CATSPER1: variants seen among roughly 807,000 people sequenced by gnomAD.
The protein encoded by CATSPER1 is cation channel sperm-associated protein 1.
In CATSPER1, 57 loss-of-function variants were observed where a neutral mutation model predicts 72.7. The observed-to-expected ratio is 0.78, with a 90% confidence interval of 0.63 to 0.98. CATSPER1 has a LOEUF of 0.98. Ranked by LOEUF, CATSPER1 falls within the 50% of genes least tolerant of loss-of-function variation. The pLI is 0.00. For synonymous variants in CATSPER1, 363 were observed against 403.0 expected, an observed-to-expected ratio of 0.90 and a Z score of 1.19; for missense variants, 910 against 1,033.9, an observed-to-expected ratio of 0.88 and a Z score of 1.64.
chr11:66,020,476 A>C lies in CATSPER1; in HGVS notation c.1992-87T>G. 1.2e-6 allele frequency: 2 copies of C among 1,601,344 alleles called. No individual in the cohort carries two copies. The highest frequency in any genetic ancestry group is 2.2e-5 in the South Asian group (2 of 90,830). On this transcript the variant is annotated intron_variant, in intron 7 of 11. Transcript: ENST00000312106. The surrounding 1 kb of genome is among the most constrained non-coding windows in gnomAD (Gnocchi z 4.5). Reference sequence around the variant, plus strand: ...CTTCTTGTGGGTTCAGCGTGGCATGACCAGGGTGAGAGGGCTGGGGTAAGG... The same window carrying C: ...CTTCTTGTGGGTTCAGCGTGGCATGCCCAGGGTGAGAGGGCTGGGGTAAGG...
rs778901724 is a variant in CATSPER1, at chr11:66,026,179, G to A, written c.201C>T (p.His67=). The change falls in exon 1 of 12, where the codon CAC becomes CAT. Residue 67 remains histidine, a synonymous_variant. Coordinates refer to ENST00000312106, the MANE Select transcript of CATSPER1 (RefSeq NM_053054.4). ...SHHPPEFQDF[H]DQALSSHVHQ... ...GGACATGGGAGGACAAGGCTTGGTCGTGGAAGTCTTGGAACTCCGGAGGGT... is the reference window on the plus strand; with the variant it reads ...GGACATGGGAGGACAAGGCTTGGTCATGGAAGTCTTGGAACTCCGGAGGGT... 5.0e-6 allele frequency: 8 copies of A among 1,606,858 alleles called. No homozygotes were observed. In the African/African-American group the frequency reaches 6.7e-5, roughly 13 times the overall value.
At chr11:66,019,666 G>A (rs1856312640) in intron 9 of CATSPER1, among the ~76,000 whole-genome samples, 1 of 151,970 alleles carries the variant, frequency 6.6e-6, no homozygotes, top group Non-Finnish European at 1.5e-5. Context: ...GAGGTGGGAG[G>A]ATCATCTGAG....
In CATSPER1 at chr11:66,021,493, G is replaced by T; in HGVS notation, c.1691+3C>A. On this transcript the variant is annotated splice_donor_region_variant and intron_variant, in intron 4 of 11. Transcript: ENST00000312106. ...ACCCCAGGTGGGAGCCGTGGCCACT[G>T]ACCTGAGCCTCCGCAGGACCCGGAT... The T allele has an allele frequency of 6.2e-7, 1 of 1,612,822 alleles. No homozygotes were observed.
chr11:66,016,791 G>A lies in CATSPER1; in HGVS notation c.*99C>T. On this transcript the variant is annotated 3_prime_UTR_variant, in exon 12 of 12. Transcript: ENST00000312106. ...TCTGTTGGGGCCCCTGCTCTGCAGG[G>A]CCCGGACAATCATTCCAGCAGATCT... The A allele has an allele frequency of 1.4e-6, 2 of 1,409,340 alleles. No homozygotes were observed. Among genetic ancestry groups the A allele is most frequent in the Non-Finnish European group, 2.0e-6 (2 of 1,024,872 alleles). 87.3% of individuals were successfully genotyped at this position (1,409,340 alleles called of 1,614,324 possible).
At chr11:66,021,290 T>C in intron 4 of CATSPER1, 105 bp from the exon 5 acceptor site, 1 of 1,275,828 alleles carries the variant, frequency 7.8e-7, no homozygotes, top group Admixed American at 2.0e-5. Flanking sequence ...TCCTGACTTG[T>C]TGGTGACTTG....
At position 66,016,881 on chromosome 11, in the gene CATSPER1, C is replaced by A; in HGVS notation, c.*9G>T. ...GGGGCTGAAGTCTGTATCTGGTGTC[C>A]TCCTGGGGTCAATTCCTGAAGTCCT... is the stretch of plus-strand genomic sequence containing the variant. On this transcript the variant is annotated 3_prime_UTR_variant, in exon 12 of 12. Transcript: ENST00000312106. The A allele has an allele frequency of 6.2e-7, 1 of 1,613,824 alleles. No individual in the cohort carries two copies. The highest frequency in any genetic ancestry group is 8.5e-7 in the Non-Finnish European group (1 of 1,179,874).
At position 66,020,797 on chromosome 11, in the gene CATSPER1, G is replaced by A; in HGVS notation, c.1927+14C>T. 6.2e-7 allele frequency: 1 copy of A among 1,613,630 alleles called. No individual in the cohort carries two copies. Among genetic ancestry groups the A allele is most frequent in the Non-Finnish European group, 8.5e-7 (1 of 1,179,952 alleles). ...CAATCCCCGGCCCTCCCTGCAGCCT[G>A]GGGCCTGCCCTACCCTGGGCACGGC... On this transcript the variant is annotated intron_variant, in intron 6 of 11. Coordinates refer to ENST00000312106, the MANE Select transcript of CATSPER1 (RefSeq NM_053054.4). This position sits in a 1 kb window ranked among gnomAD's most constrained non-coding sequence, Gnocchi z 4.5.
rs773984720 is a variant in CATSPER1 at position 66,026,040 on chromosome 11, C to T, written c.340G>A (p.Asp114Asn). Residue 114 changes from aspartate (D) to asparagine (N), a missense_variant, in exon 1 of 12, where the codon GAC becomes AAC. By Grantham distance (23) the Asp-to-Asn change is conservative. Transcript: ENST00000312106. ...AVPSHRSYGE[D>N]YHDELQRDGR... The stretch of plus-strand genomic sequence containing the variant: ...TCACGTTGGAGCTCATCATGGTAGT[C>T]CTCACCGTAGGAACGGTGGGAGGGG... The T allele has an allele frequency of 6.2e-6, 10 of 1,613,962 alleles. No homozygotes were observed. In the East Asian group the frequency reaches 2.2e-4, roughly 36 times the overall value.
chr11:66,021,489 C>T lies in CATSPER1; in HGVS notation c.1691+7G>A. The T allele has an allele frequency of 6.2e-7, 1 of 1,612,668 alleles. No individual in the cohort carries two copies. Among genetic ancestry groups the T allele is most frequent in the African/African-American group, 1.3e-5 (1 of 75,040 alleles). The stretch of plus-strand genomic sequence containing the variant: ...CCCCACCCCAGGTGGGAGCCGTGGC[C>T]ACTGACCTGAGCCTCCGCAGGACCC... On this transcript the variant is annotated splice_region_variant and intron_variant, in intron 4 of 11. Transcript: ENST00000312106.
chr11:66,026,293 G>A lies in CATSPER1; in HGVS notation c.87C>T (p.Pro29=). 1.2e-6 allele frequency: 2 copies of A among 1,614,222 alleles called. No homozygotes were observed. The highest frequency in any genetic ancestry group is 1.7e-6 in the Non-Finnish European group (2 of 1,180,034). ...ADRFFRSHSS[P]PHHRPGHSRA... is the part of the protein sequence containing the mutation. Reference sequence around the variant, plus strand: ...TGCTGTGGCCTGGCCTGTGGTGTGGGGGTGATGAGTGAGAGCGAAAGAACC... The same window carrying A: ...TGCTGTGGCCTGGCCTGTGGTGTGGAGGTGATGAGTGAGAGCGAAAGAACC... The change falls in exon 1 of 12, where the codon CCC becomes CCT. Residue 29 remains proline (P), a synonymous_variant. Coordinates refer to ENST00000312106, the MANE Select transcript of CATSPER1 (RefSeq NM_053054.4).
At position 66,025,561 on chromosome 11, in the gene CATSPER1, G is replaced by T. The variant is rs1470811660; in HGVS notation, c.819C>A (p.His273Gln). 9 of 1,603,566 alleles carry T rather than the reference G, an allele frequency of 5.6e-6. No individual in the cohort carries two copies. Among genetic ancestry groups the T allele is most frequent in the Non-Finnish European group, 6.8e-6 (8 of 1,175,242 alleles). ...YHSEYHQGDH[H>Q]PSEYHHGDHP... ...GGTCGCCATGGTGGTACTCACTGGGGTGGTGATCACCTTGGTGGTACTCGC... is the reference window on the plus strand; with the variant it reads ...GGTCGCCATGGTGGTACTCACTGGGTTGGTGATCACCTTGGTGGTACTCGC... Residue 273 changes from histidine (H) to glutamine (Q), a missense_variant, in exon 1 of 12, where the codon CAC becomes CAA. By Grantham distance (24) the His-to-Gln change is conservative. Transcript: ENST00000312106.
At position 66,020,093 on chromosome 11, in the gene CATSPER1, C is replaced by T. The variant is rs753992334; in HGVS notation, c.2125+47G>A. ...AGGTTAGGGGGATGGAGAGACTGGC[C>T]CCCACTGCGGACGGGCAGGTGGGGC... On this transcript the variant is annotated intron_variant, in intron 9 of 11. Coordinates refer to ENST00000312106, the MANE Select transcript of CATSPER1 (RefSeq NM_053054.4). This position sits in a 1 kb window ranked among gnomAD's most constrained non-coding sequence, Gnocchi z 4.5. The T allele has an allele frequency of 1.8e-5, 28 of 1,591,768 alleles. No homozygotes were observed. The highest frequency in any genetic ancestry group is 1.7e-4 in the Middle Eastern group (1 of 5,744).
At chr11:66,024,813 T>C (rs10750773) in intron 1 of CATSPER1, among the ~76,000 whole-genome samples, 148,673 of 152,292 alleles carry the variant, frequency 0.98, 72,661 homozygotes, top group Middle Eastern at 1. Flanking sequence ...AAGTGACCAC[T>C]CCTAGTTTTG....
rs150884482 is a variant in CATSPER1, at chr11:66,025,540, G to A, written c.840C>T (p.Gly280=). 62 of 1,601,678 alleles carry A rather than the reference G, an allele frequency of 3.9e-5. No individual in the cohort carries two copies. Among genetic ancestry groups the A allele is most frequent in the African/African-American group, 1.5e-4 (11 of 74,768 alleles). The change falls in exon 1 of 12, where the codon GGC becomes GGT. Residue 280 remains glycine, a synonymous_variant. Coordinates refer to ENST00000312106, the MANE Select transcript of CATSPER1 (RefSeq NM_053054.4). Reference sequence around the variant, plus strand: ...GGTGCTGTGTGTGGTGGGGATGGTCGCCATGGTGGTACTCACTGGGGTGGT... The same window carrying A: ...GGTGCTGTGTGTGGTGGGGATGGTCACCATGGTGGTACTCACTGGGGTGGT... The part of the protein sequence containing the change: ...GDHHPSEYHH[G]DHPHHTQHHY...
At position 66,022,912 on chromosome 11, in the gene CATSPER1, CGAA is replaced by C. The variant is rs1856407161; in HGVS notation, c.1363_1365del (p.Phe455del). The C allele has an allele frequency of 1.2e-6, 2 of 1,614,206 alleles. No individual in the cohort carries two copies. Among genetic ancestry groups the C allele is most frequent in the South Asian group, 1.1e-5 (1 of 91,088 alleles). ...AGCATGACGGTGTTGAGGCAGACAA[CGAA>C]GAAGATGAAAGTTTCAAAGGCCAAG... On this transcript the variant is annotated inframe_deletion, in exon 2 of 12. Transcript: ENST00000312106.
intron 10 of CATSPER1, 92 bp downstream of exon 10, chr11:66,018,735 G>A: frequency 7.4e-7 from 1 of 1,353,956 alleles, no homozygotes; most frequent in Non-Finnish European, 1.0e-6. Flanking sequence ...CTTCTAGAGG[G>A]GCAGGCAATG....
At chr11:66,024,055 C>G (rs904995972) in intron 1 of CATSPER1, among the ~76,000 whole-genome samples, 1 of 151,736 alleles carries the variant, frequency 6.6e-6, no homozygotes, top group Admixed American at 6.6e-5. Flanking sequence ...CCTCCGCCTC[C>G]CAGCTTCAAG....
intron 9 of CATSPER1, among the ~76,000 whole-genome samples, chr11:66,019,433 T>C (rs1565069875): frequency 2.0e-5 from 3 of 152,012 alleles, no homozygotes; most frequent in African/African-American, 7.2e-5. Flanking sequence ...CCCACCACCA[T>C]GCCCAGCTAA....
intron 5 of CATSPER1, 51 bp from the exon 6 acceptor site, chr11:66,021,005 G>C: frequency 6.2e-7 from 1 of 1,611,310 alleles, no homozygotes; most frequent in Non-Finnish European, 8.5e-7. Flanking sequence ...CCACCCCAGC[G>C]CCCCTCGTCC....
Sources: gnomAD v4.1 joint callset for allele counts (sites outside exome capture counted in the v4.1 genomes callset) on GRCh38, gnomAD v4.1.1 for gene constraint, Gnocchi (gnomAD v3.1) non-coding constraint, MANE v1.5 for transcripts, NCBI Gene and HGNC (gene_info 2026-07-23, HGNC 2026-07-21) for gene names.